Variants in SPOCK3 observed in about 807,000 individuals in gnomAD.
SPOCK3 encodes SPARC (osteonectin), cwcv and kazal like domains proteoglycan 3.
A neutral mutation model predicts 56.6 loss-of-function variants in SPOCK3; 30 were observed. That is an observed-to-expected ratio of 0.53 (90% CI 0.40 to 0.72). The LOEUF is 0.72. SPOCK3 is among the 30% of genes least tolerant of loss of function. The pLI is 0.00. For synonymous variants in SPOCK3, 196 were observed against 183.3 expected (o/e 1.07, Z -0.56); for missense variants, 527 against 530.0 (o/e 0.99, Z 0.06).
chr4:166,842,954 T>A (rs1747616353), intron 6 of SPOCK3, among the ~76,000 whole-genome samples: 1 of 152,150 alleles, frequency 6.6e-6, no homozygotes, highest in African/African-American at 2.4e-5. Context: ...AGGCTGCAGA[T>A]CCTGAGCCCT....
chr4:167,154,174 A>C (rs560713337), intron 2 of SPOCK3, among the ~76,000 whole-genome samples: 7 of 152,126 alleles, frequency 4.6e-5, no homozygotes, highest in Middle Eastern at 3.2e-3. Flanking sequence ...CATAGACTTC[A>C]CGTAAGTGAT....
At chr4:167,148,396 A>C (rs1437033994) in intron 2 of SPOCK3, among the ~76,000 whole-genome samples, 1 of 152,182 alleles carries the variant, frequency 6.6e-6, no homozygotes, top group Non-Finnish European at 1.5e-5. Flanking sequence ...AGATGATAAT[A>C]GACTCTGAGA....
chr4:167,009,004 A>T (rs1749747337), intron 3 of SPOCK3, among the ~76,000 whole-genome samples: 1 of 152,154 alleles, frequency 6.6e-6, no homozygotes, highest in Non-Finnish European at 1.5e-5. Context: ...ATTAAAAAGA[A>T]TAATACACCC....
At chr4:167,089,524 T>A (rs1758518637) in intron 2 of SPOCK3, among the ~76,000 whole-genome samples, 1 of 152,184 alleles carries the variant, frequency 6.6e-6, no homozygotes, top group African/African-American at 2.4e-5. Flanking sequence ...AAATCTAAAG[T>A]TAAGGCCTTG....
chr4:166,971,527 A>AT (rs914730610), intron 4 of SPOCK3, among the ~76,000 whole-genome samples: 5 of 152,146 alleles, frequency 3.3e-5, no homozygotes, highest in East Asian at 1.9e-4. Context: ...AAGAGAAAGT[A>AT]TTTTTTCAAT....
At chr4:166,899,860 C>T (rs1161502479) in intron 5 of SPOCK3, among the ~76,000 whole-genome samples, 1 of 152,120 alleles carries the variant, frequency 6.6e-6, no homozygotes, top group African/African-American at 2.4e-5. Context: ...ATTTACAATG[C>T]TTATCTCTCT....
In SPOCK3 at chr4:167,189,487, TTTA is replaced by T. The variant is rs1352814035; in HGVS notation, c.189+44495_189+44497del. On this transcript the variant is annotated intron_variant, in intron 2 of 10. Transcript: ENST00000357545. Reference sequence around the variant, plus strand: ...AAAAAATTTATTATTTTTTTCCAGCTTTATTGAGGTACAATAAATAAAAATTGT... The same window carrying T: ...AAAAAATTTATTATTTTTTTCCAGCTTTGAGGTACAATAAATAAAAATTGT... 2.1e-5 allele frequency among the ~76,000 whole-genome samples: 3 copies of T among 145,746 alleles called. 1 individual carries two copies. In the East Asian group the frequency reaches 6.2e-4, roughly 30 times the overall value.
intron 2 of SPOCK3, among the ~76,000 whole-genome samples, chr4:167,198,645 T>A (rs1410375414): frequency 1.3e-5 from 2 of 152,206 alleles, no homozygotes; most frequent in African/African-American, 4.8e-5. Context: ...TGTTTTTCTT[T>A]TATTTTGTAA....
intron 7 of SPOCK3, among the ~76,000 whole-genome samples, chr4:166,773,706 A>G (rs1739214142): frequency 6.6e-6 from 1 of 152,116 alleles, no homozygotes; most frequent in African/African-American, 2.4e-5. Flanking sequence ...TGCTGATTCA[A>G]TTATACTGTT....
chr4:166,823,213 A>G lies in SPOCK3; in HGVS notation c.590-30924T>C, dbSNP rs568047002. On this transcript the variant is annotated intron_variant, in intron 6 of 10. Transcript: ENST00000357545. The stretch of plus-strand genomic sequence containing the variant: ...TTTTCACCAACGGAATGTGAGTCAA[A>G]GTGATAAACACTTTCAAGCTGAGAC... Among the ~76,000 whole-genome samples, 144 of 152,166 alleles carry G rather than the reference A, an allele frequency of 9.5e-4. 1 individual carries two copies. The highest frequency in any genetic ancestry group is 3.2e-3 in the African/African-American group (135 of 41,550).
chr4:167,187,798 A>G (rs773752736), intron 2 of SPOCK3, among the ~76,000 whole-genome samples: 8 of 152,176 alleles, frequency 5.3e-5, no homozygotes, highest in Non-Finnish European at 1.2e-4. Flanking sequence ...GTGCTACTTT[A>G]GTAAACATTA....
rs192413951 is a variant in SPOCK3, at chr4:167,034,328, A to G, written c.235+28164T>C. On this transcript the variant is annotated intron_variant, in intron 3 of 10. Transcript: ENST00000357545. ...GTCCATATACCCAAGCTGTATCAAA[A>G]TAACAAAAAAAAAAGAAACTGCTGA... Among the ~76,000 whole-genome samples, 394 of 152,040 alleles carry G rather than the reference A, an allele frequency of 2.6e-3. 2 individuals carry two copies. The highest frequency in any genetic ancestry group is 8.9e-3 in the African/African-American group (371 of 41,538).
At chr4:166,745,099 C>G (rs1020532678) in intron 8 of SPOCK3, among the ~76,000 whole-genome samples, 3 of 152,114 alleles carry the variant, frequency 2.0e-5, no homozygotes, top group African/African-American at 7.2e-5. Context: ...CCCAACCTAG[C>G]AAGGTAGGCC....
intron 6 of SPOCK3, among the ~76,000 whole-genome samples, chr4:166,837,866 C>T (rs1393489737): frequency 6.6e-6 from 1 of 152,084 alleles, no homozygotes; most frequent in East Asian, 1.9e-4. Context: ...GTGGTTGCTA[C>T]AAATTTTCTT....
intron 6 of SPOCK3, among the ~76,000 whole-genome samples, chr4:166,824,939 G>A (rs1332755852): frequency 6.6e-6 from 1 of 152,042 alleles, no homozygotes; most frequent in African/African-American, 2.4e-5. Context: ...ACTCTATGAA[G>A]ATGAATACAT....
At chr4:167,215,618 A>C (rs771723013) in intron 2 of SPOCK3, among the ~76,000 whole-genome samples, 9 of 152,180 alleles carry the variant, frequency 5.9e-5, no homozygotes, top group Non-Finnish European at 1.2e-4. Context: ...TGTGTGAAGA[A>C]TGCATGAAAG....
rs151049236 is a variant in SPOCK3 at position 166,904,247 on chromosome 4, G to A, written c.474+8373C>T. Among the ~76,000 whole-genome samples, 402 of 151,994 alleles carry A rather than the reference G, an allele frequency of 2.6e-3. 8 individuals carry two copies. The East Asian group carries it at 0.06, about 23-fold the overall frequency. On this transcript the variant is annotated intron_variant, in intron 5 of 10. Coordinates refer to ENST00000357545, the MANE Select transcript of SPOCK3 (RefSeq NM_001040159.2). ...GGGAACAATATTAGTGTATGTTAGTGTATGTTATATATCTTATAGCATTGT... is the reference window on the plus strand; with the variant it reads ...GGGAACAATATTAGTGTATGTTAGTATATGTTATATATCTTATAGCATTGT...
chr4:167,021,373 T>C (rs1194606852), intron 3 of SPOCK3, among the ~76,000 whole-genome samples: 1 of 151,976 alleles, frequency 6.6e-6, no homozygotes, highest in Non-Finnish European at 1.5e-5. Flanking sequence ...AAAAAAATTG[T>C]AAGGTAAAAT....
chr4:166,755,673 G>A (rs1362502003), intron 7 of SPOCK3, among the ~76,000 whole-genome samples: 4 of 152,114 alleles, frequency 2.6e-5, no homozygotes, highest in East Asian at 1.9e-4. Flanking sequence ...GAGACATGGG[G>A]ACTTATGAAA....
Sources: allele counts gnomAD v4.1 joint callset (sites outside exome capture counted in the v4.1 genomes callset), GRCh38; gene constraint gnomAD v4.1.1; transcripts MANE v1.5; gene names NCBI Gene and HGNC (gene_info 2026-07-23, HGNC 2026-07-21).